The following LMTK2 variants were observed in gnomAD, a reference collection of about 807,000 sequenced individuals.
The protein encoded by LMTK2 is serine/threonine-protein kinase LMTK2.
In LMTK2, 37 loss-of-function variants were observed where a neutral mutation model predicts 127.5. The ratio of observed to expected loss-of-function variants is 0.29; its 90% CI spans 0.22 to 0.38. The LOEUF (loss-of-function observed/expected upper bound fraction) is 0.38, where lower values mean the gene tolerates loss of function less well. LMTK2 is among the 10% of genes least tolerant of loss of function. The probability of loss-of-function intolerance (pLI) is 1.00; values close to 1 mark genes in which losing one functional copy is unlikely to be tolerated. For synonymous variants in LMTK2, 819 were observed against 810.1 expected, an observed-to-expected ratio of 1.01 and a Z score of -0.19; for missense variants, 1,694 against 1,920.3, an observed-to-expected ratio of 0.88 and a Z score of 2.20.
At chr7:98,153,707 T>TA (rs976050245) in intron 4 of LMTK2, among the ~76,000 whole-genome samples, 4 of 151,092 alleles carry the variant, frequency 2.6e-5, no homozygotes, top group African/African-American at 7.3e-5. Flanking sequence ...ACCCCATCTC[T>TA]AAAAAAAAAT....
rs762173044 is a variant in LMTK2 at position 98,122,008 on chromosome 7, TA to T, written c.103+14738del. On this transcript the variant is annotated intron_variant, in intron 1 of 13. Transcript: ENST00000297293. ...GGACTGTCGAGACCGTGTCTCGGGT[TA>T]AAAAAAAAATTGTAAAAACAACTAT... Among the ~76,000 whole-genome samples the T allele has an allele frequency of 9.2e-4, 138 of 150,478 alleles. No individual in the cohort carries two copies. In the East Asian group the frequency reaches 0.015, roughly 17 times the overall value.
At chr7:98,144,500 C>A (rs11768309) in intron 3 of LMTK2, among the ~76,000 whole-genome samples, 56,592 of 151,652 alleles carry the variant, frequency 0.37, 13,409 homozygotes, top group Middle Eastern at 0.62. Context: ...TAAATGTGAC[C>A]TATTTTCCAC....
chr7:98,199,385 C>T (rs1327087685), intron 11 of LMTK2, among the ~76,000 whole-genome samples: 1 of 152,202 alleles, frequency 6.6e-6, no homozygotes, highest in African/African-American at 2.4e-5. Flanking sequence ...TTTTGCAGCT[C>T]TGTTGATGCA....
intron 2 of LMTK2, among the ~76,000 whole-genome samples, chr7:98,139,272 TC>T (rs2116363136): frequency 1.3e-5 from 2 of 152,156 alleles, no homozygotes; most frequent in African/African-American, 4.8e-5. Flanking sequence ...ACGCCATCAT[TC>T]CCTGCTAAGT....
chr7:98,144,051 TTC>T, intron 3 of LMTK2, among the ~76,000 whole-genome samples: 1 of 152,370 alleles, frequency 6.6e-6, no homozygotes, highest in Non-Finnish European at 1.5e-5. Context: ...TACCATTTTT[TTC>T]TTTTTTTCTA....
chr7:98,159,707 T>G (rs902670630), intron 6 of LMTK2, among the ~76,000 whole-genome samples: 1 of 152,212 alleles, frequency 6.6e-6, no homozygotes, highest in African/African-American at 2.4e-5. Context: ...GTCCATACTT[T>G]CCATGTGATG....
chr7:98,130,598 C>T (rs532871530), intron 1 of LMTK2, among the ~76,000 whole-genome samples: 6 of 152,222 alleles, frequency 3.9e-5, no homozygotes, highest in South Asian at 2.1e-4. Flanking sequence ...AGTGAAAATG[C>T]GGTCATGAGG....
intron 1 of LMTK2, among the ~76,000 whole-genome samples, chr7:98,107,622 C>T (rs1236488157): frequency 6.6e-6 from 1 of 152,180 alleles, no homozygotes; most frequent in African/African-American, 2.4e-5. Flanking sequence ...TGTCACCTGC[C>T]TCTTGTGCTT....
chr7:98,171,829 T>G lies in LMTK2; in HGVS notation c.791+155T>G, dbSNP rs139879462. Among the ~76,000 whole-genome samples the G allele has an allele frequency of 6.6e-6, 1 of 152,352 alleles. No individual in the cohort carries two copies. Among genetic ancestry groups the G allele is most frequent in the African/African-American group, 2.4e-5 (1 of 41,576 alleles). On this transcript the variant is annotated intron_variant, in intron 7 of 13. Coordinates refer to ENST00000297293, the MANE Select transcript of LMTK2 (RefSeq NM_014916.4). This position sits in a 1 kb window ranked among gnomAD's most constrained non-coding sequence, Gnocchi z 5.1. ...GATCTCGTTCTTACCCATGTCCGGA[T>G]AAGGGTTGAGTTGGGCTTCATTGAA...
chr7:98,135,608 A>C (rs763801565), intron 1 of LMTK2, among the ~76,000 whole-genome samples: 1 of 152,138 alleles, frequency 6.6e-6, no homozygotes, highest in African/African-American at 2.4e-5. Context: ...AGGCATGCTC[A>C]CTGTGCCTGC....
Position 98,192,848 on chromosome 7 carries a change from G to T in LMTK2, c.2383G>T (p.Asp795Tyr). The change falls in exon 11 of 14, where the codon GAT becomes TAT. Residue 795 changes from aspartate (D) to tyrosine (Y), a missense_variant. Asp to Tyr is a radical substitution (Grantham distance 160, BLOSUM62 -3). Around this residue, in one of 8 missense-constraint regions of LMTK2, gnomAD observed 527 missense variants for 539.8 expected, o/e 0.98. Coordinates refer to ENST00000297293, the MANE Select transcript of LMTK2 (RefSeq NM_014916.4). ...ENVSTKGDDT[D>Y]VMLTGDTLST... is the part of the protein sequence containing the mutation. ...CGTAAGCACAAAGGGTGACGATACA[G>T]ATGTCATGCTCACAGGTGACACTTT... is the stretch of plus-strand genomic sequence containing the variant. 1 of 1,614,098 alleles carries T rather than the reference G, an allele frequency of 6.2e-7. No individual in the cohort carries two copies. Among genetic ancestry groups the T allele is most frequent in the African/African-American group, 1.3e-5 (1 of 75,060 alleles).
At chr7:98,149,008 G>A (rs760704281) in intron 3 of LMTK2, among the ~76,000 whole-genome samples, 2 of 152,208 alleles carry the variant, frequency 1.3e-5, no homozygotes, top group Non-Finnish European at 2.9e-5. Context: ...CATGTGCACT[G>A]TTGGCCTCAA....
intron 1 of LMTK2, among the ~76,000 whole-genome samples, chr7:98,112,063 T>C (rs1016195144): frequency 2.0e-5 from 3 of 152,246 alleles, no homozygotes; most frequent in Non-Finnish European, 1.5e-5. Flanking sequence ...AAGTTTTTCT[T>C]GATCTTAAAC....
intron 1 of LMTK2, among the ~76,000 whole-genome samples, chr7:98,117,875 G>A (rs1235570327): frequency 1.3e-5 from 2 of 152,154 alleles, no homozygotes; most frequent in Non-Finnish European, 2.9e-5. Flanking sequence ...GTTGAGGCAG[G>A]AGAATCACTT....
rs539634059 is a variant in LMTK2, at chr7:98,163,819, C to T, written c.657+4394C>T. ...GGGGCATAACCCAAGGCAGGACCTG[C>T]CCCCTGGCCGCAATACAAAGGGCAC... is the stretch of plus-strand genomic sequence containing the variant. On this transcript the variant is annotated intron_variant, in intron 6 of 13. Coordinates refer to ENST00000297293, the MANE Select transcript of LMTK2 (RefSeq NM_014916.4). Among the ~76,000 whole-genome samples the T allele has an allele frequency of 5.7e-4, 87 of 151,966 alleles. 1 individual carries two copies. Among genetic ancestry groups the T allele is most frequent in the Middle Eastern group, 3.4e-3 (1 of 292 alleles).
chr7:98,198,071 A>ATT (rs57844130), intron 11 of LMTK2, among the ~76,000 whole-genome samples: 3 of 149,048 alleles, frequency 2.0e-5, no homozygotes, highest in African/African-American at 7.4e-5. Context: ...GTTTTCATGG[A>ATT]TTTTTTTTTC....
intron 1 of LMTK2, among the ~76,000 whole-genome samples, chr7:98,107,664 G>T (rs754219607): frequency 6.6e-6 from 1 of 152,114 alleles, no homozygotes; most frequent in African/African-American, 2.4e-5. Flanking sequence ...CCGTTTCTTA[G>T]CCCTAATCAT....
chr7:98,168,216 CAG>C (rs2116416217), intron 6 of LMTK2, among the ~76,000 whole-genome samples: 1 of 152,234 alleles, frequency 6.6e-6, no homozygotes, highest in East Asian at 1.9e-4. Flanking sequence ...GGGGCCAGAG[CAG>C]AGAGAAGAGA....
chr7:98,208,498 A>G lies in LMTK2; in HGVS notation c.*3006A>G, dbSNP rs1797842571. On this transcript the variant is annotated 3_prime_UTR_variant, in exon 14 of 14. Transcript: ENST00000297293. ...ACTAAATCAGTGGCATTCTCTAGATAATGTGGGGGAAGGTTAGAATATTTT... is the reference window on the plus strand; with the variant it reads ...ACTAAATCAGTGGCATTCTCTAGATGATGTGGGGGAAGGTTAGAATATTTT... The G allele has an allele frequency of 6.6e-6, 1 of 152,230 alleles. No homozygotes were observed. Among genetic ancestry groups the G allele is most frequent in the Non-Finnish European group, 1.5e-5 (1 of 68,040 alleles). The allele number at this position is 152,230 out of a possible 1,614,324, so 9.4% of individuals were successfully genotyped here.
Sources: gnomAD v4.1 joint callset for allele counts (sites outside exome capture counted in the v4.1 genomes callset) on GRCh38, gnomAD v4.1.1 for gene constraint, gnomAD v4.1.1 regional missense constraint, Gnocchi (gnomAD v3.1) non-coding constraint, MANE v1.5 for transcripts, NCBI Gene and HGNC (gene_info 2026-07-23, HGNC 2026-07-21) for gene names.